The following TBPL2 variants were observed in gnomAD, a reference collection of about 807,000 sequenced individuals.
TBPL2 encodes the protein TATA-box binding protein like 2.
TBPL2 carries 40 observed loss-of-function variants against 38.2 expected under a neutral mutation model. The observed-to-expected ratio is 1.05, with a 90% CI of 0.81 to 1.36. The LOEUF is 1.36. Among genes scored for constraint, TBPL2 ranks in the 40% most tolerant of loss-of-function variants. The pLI, the probability that TBPL2 is intolerant of heterozygous loss-of-function variation, is 0.00. For synonymous variants in TBPL2, 169 were observed against 171.7 expected (o/e 0.98, Z 0.12); for missense variants, 461 against 456.7 (o/e 1.01, Z -0.09).
chr14:55,440,485 A>G, exon 1 of TBPL2: 4 of 1,612,696 alleles, frequency 2.5e-6, no homozygotes, highest in Non-Finnish European at 3.4e-6. Context: ...GGGGGCGGGT[A>G]AGAGGGTAAG....
chr14:55,438,298 T>A (rs1354443722), intron 1 of TBPL2, among the ~76,000 whole-genome samples: 2 of 152,168 alleles, frequency 1.3e-5, no homozygotes, highest in Non-Finnish European at 2.9e-5. Flanking sequence ...GACTAATTGT[T>A]TAAAGAAAGC....
At chr14:55,430,398 TAAAAAAAA>T (rs370880582) in intron 4 of TBPL2, among the ~76,000 whole-genome samples, 3 of 119,828 alleles carry the variant, frequency 2.5e-5, no homozygotes, top group East Asian at 2.6e-4. Flanking sequence ...TCACCCACTT[TAAAAAAAA>T]AAAAAAAAAA....
chr14:55,440,370 C>G (rs1886091017), intron 1 of TBPL2, 26 bp downstream of exon 1: 1 of 1,612,680 alleles, frequency 6.2e-7, no homozygotes, highest in African/African-American at 1.3e-5. Flanking sequence ...TGGGTCCTGA[C>G]TCTGGGACAG....
intron 6 of TBPL2, among the ~76,000 whole-genome samples, chr14:55,421,060 C>CAA (rs71131263): frequency 0.45 from 47,673 of 107,048 alleles, 11,354 homozygotes; most frequent in Non-Finnish European, 0.57. Context: ...GAATCTGTCT[C>CAA]AAAAAAAAAA....
chr14:55,419,337 A>T (rs1885710668), intron 6 of TBPL2, among the ~76,000 whole-genome samples: 1 of 152,272 alleles, frequency 6.6e-6, no homozygotes, highest in African/African-American at 2.4e-5. Flanking sequence ...AGTCCTTATG[A>T]AGCAGTGTCT....
In TBPL2 at chr14:55,434,904, GTAGGAAGCAGGTCTTACTCATCT is replaced by G. The variant is rs375605111; in HGVS notation, c.696+920_696+942del. On this transcript the variant is annotated intron_variant, in intron 3 of 6. Transcript: ENST00000247219. ...ACCTAAGCCAGTGAACTTTTTCCCA[GTAGGAAGCAGGTCTTACTCATCT>G]TTGTACTCCTAAGTACAGAGCCTGG... 9.0e-4 allele frequency among the ~76,000 whole-genome samples: 137 copies of G among 152,220 alleles called. 1 individual carries two copies. The Middle Eastern group carries it at 0.014, about 15-fold the overall frequency.
chr14:55,434,847 C>CT (rs1885988209), intron 3 of TBPL2, among the ~76,000 whole-genome samples: 1 of 152,104 alleles, frequency 6.6e-6, no homozygotes, highest in African/African-American at 2.4e-5. Flanking sequence ...CGAATGTGAC[C>CT]TTTTTTCATC....
At position 55,428,693 on chromosome 14, in the gene TBPL2, C is replaced by T. The variant is rs1283303980; in HGVS notation, c.956+114G>A. On this transcript the variant is annotated intron_variant, in intron 5 of 6. Coordinates refer to ENST00000247219, the Ensembl canonical transcript of TBPL2. ...TCTTAATCTTTTCACTATTGTGTCCCCCGCCTTTTTTTTTTTAATCACAAT... is the reference window on the plus strand; with the variant it reads ...TCTTAATCTTTTCACTATTGTGTCCTCCGCCTTTTTTTTTTTAATCACAAT... 3.5e-6 allele frequency: 4 copies of T among 1,144,352 alleles called. No homozygotes were observed. The African/African-American group carries it at 6.3e-5, about 18-fold the overall frequency. 70.9% of individuals were successfully genotyped at this position (1,144,352 alleles called of 1,614,324 possible).
intron 2 of TBPL2, 36 bp downstream of exon 2, chr14:55,436,525 C>T: frequency 2.6e-6 from 4 of 1,554,278 alleles, no homozygotes; most frequent in Non-Finnish European, 3.5e-6. Context: ...AAATGTGTAC[C>T]CAATGTGCTC....
intron 4 of TBPL2, among the ~76,000 whole-genome samples, chr14:55,431,782 G>A (rs908986179): frequency 6.6e-6 from 1 of 152,154 alleles, no homozygotes; most frequent in Non-Finnish European, 1.5e-5. Flanking sequence ...CAAAATTCTA[G>A]ATCTGCTCTG....
intron 6 of TBPL2, among the ~76,000 whole-genome samples, chr14:55,415,011 A>G (rs552623572): frequency 1.3e-5 from 2 of 152,224 alleles, no homozygotes; most frequent in African/African-American, 2.4e-5. Context: ...ATTGTAAATC[A>G]TAACTGCTGT....
At chr14:55,428,267 C>T (rs1360868677) in intron 5 of TBPL2, among the ~76,000 whole-genome samples, 1 of 151,710 alleles carries the variant, frequency 6.6e-6, no homozygotes, top group East Asian at 1.9e-4. Flanking sequence ...GTAGCTGGGA[C>T]TACAGGCGCC....
intron 6 of TBPL2, among the ~76,000 whole-genome samples, chr14:55,423,463 G>A (rs1463295309): frequency 3.3e-5 from 5 of 152,172 alleles, no homozygotes; most frequent in Non-Finnish European, 5.9e-5. Flanking sequence ...TTCATAAGTA[G>A]CAAACAAAGA....
At chr14:55,421,937 G>A (rs1885751295) in intron 6 of TBPL2, among the ~76,000 whole-genome samples, 1 of 152,104 alleles carries the variant, frequency 6.6e-6, no homozygotes, top group Non-Finnish European at 1.5e-5. Context: ...TTTAGATGAG[G>A]CAAGATTTTA....
At chr14:55,439,237 C>T (rs915295649) in intron 1 of TBPL2, among the ~76,000 whole-genome samples, 1 of 150,012 alleles carries the variant, frequency 6.7e-6, no homozygotes, top group African/African-American at 2.4e-5. Context: ...CCTCACCCTG[C>T]CCAATGCTAA....
At chr14:55,421,537 C>T (rs1345214675) in intron 6 of TBPL2, among the ~76,000 whole-genome samples, 1 of 152,192 alleles carries the variant, frequency 6.6e-6, no homozygotes, top group Non-Finnish European at 1.5e-5. Context: ...GAACTTGGCT[C>T]ACTGCAGCCT....
chr14:55,424,865 A>G (rs9888623), intron 5 of TBPL2, among the ~76,000 whole-genome samples: 8 of 152,312 alleles, frequency 5.3e-5, no homozygotes, highest in African/African-American at 1.7e-4. Flanking sequence ...AGCACTTAAG[A>G]GCTTCTTCTC....
chr14:55,432,233 C>G lies in TBPL2; in HGVS notation c.788+1397G>C, dbSNP rs148280599. Among the ~76,000 whole-genome samples, 43 of 140,740 alleles carry G rather than the reference C, an allele frequency of 3.1e-4. 2 individuals are homozygous for G. The East Asian group carries it at 8.8e-3, about 29-fold the overall frequency. The allele number at this position is 140,740 out of a possible 152,430, so 92.3% of individuals were successfully genotyped here. ...GACCAGCCTGGGCAATATGGGGAAA[C>G]CCCCGTCTCTACAAAAAAAAAAAAA... is the stretch of plus-strand genomic sequence containing the variant. On this transcript the variant is annotated intron_variant, in intron 4 of 6. Coordinates refer to ENST00000247219, the Ensembl canonical transcript of TBPL2.
chr14:55,423,529 G>C (rs1245029595), intron 6 of TBPL2, among the ~76,000 whole-genome samples: 3 of 152,234 alleles, frequency 2.0e-5, no homozygotes, highest in Admixed American at 1.3e-4. Flanking sequence ...TAACATGTTA[G>C]AATGGGTTCA....
Sources: gnomAD v4.1 joint callset for allele counts (sites outside exome capture counted in the v4.1 genomes callset) on GRCh38, gnomAD v4.1.1 for gene constraint, MANE v1.5 for transcripts, NCBI Gene and HGNC (gene_info 2026-07-23, HGNC 2026-07-21) for gene names.